The following NLGN1 variants were observed in gnomAD, a reference collection of about 807,000 sequenced individuals.
The protein encoded by NLGN1 is neuroligin 1.
In NLGN1, 12 loss-of-function variants were observed where a neutral mutation model predicts 65.5. That is an observed-to-expected ratio of 0.18 (90% CI 0.12 to 0.30). The LOEUF (loss-of-function observed/expected upper bound fraction) is 0.30, where lower values mean the gene tolerates loss of function less well. Among genes scored for constraint, NLGN1 ranks in the 10% least tolerant of loss-of-function variants. The pLI is 1.00. For synonymous variants in NLGN1, 350 were observed against 359.5 expected, an observed-to-expected ratio of 0.97 and a Z score of 0.30; for missense variants, 750 against 1,007.1, an observed-to-expected ratio of 0.74 and a Z score of 3.46.
intron 3 of NLGN1, among the ~76,000 whole-genome samples, chr3:173,800,567 A>G (rs1715251100): frequency 6.6e-6 from 1 of 151,708 alleles, no homozygotes; most frequent in African/African-American, 2.4e-5. Flanking sequence ...GCCAACCATT[A>G]AAATGTTTTA....
chr3:174,029,341 C>T (rs751592243), intron 4 of NLGN1, among the ~76,000 whole-genome samples: 1 of 152,204 alleles, frequency 6.6e-6, no homozygotes, highest in Non-Finnish European at 1.5e-5. Context: ...CAAAAGAGAT[C>T]ATTTTGGAAC....
chr3:173,683,094 T>G (rs922906953), intron 3 of NLGN1, among the ~76,000 whole-genome samples: 9 of 152,204 alleles, frequency 5.9e-5, no homozygotes, highest in African/African-American at 2.2e-4. Flanking sequence ...AAAAATAAAT[T>G]TAAATATTTC....
At chr3:173,399,287 A>G (rs1181757889) in intron 1 of NLGN1, among the ~76,000 whole-genome samples, 1 of 152,188 alleles carries the variant, frequency 6.6e-6, no homozygotes, top group Non-Finnish European at 1.5e-5. Context: ...TCCTCTTAAC[A>G]TAAGCAGAAA....
chr3:173,485,614 T>C (rs1411213087), intron 2 of NLGN1, among the ~76,000 whole-genome samples: 2 of 152,310 alleles, frequency 1.3e-5, no homozygotes, highest in South Asian at 2.1e-4. Context: ...TTTCATGTCC[T>C]TCAGTCCAGC....
At chr3:173,893,787 T>C (rs1000986038) in intron 4 of NLGN1, among the ~76,000 whole-genome samples, 8 of 152,226 alleles carry the variant, frequency 5.3e-5, no homozygotes, top group African/African-American at 1.9e-4. Context: ...TACAATTTTG[T>C]TTTCCTCTGC....
intron 2 of NLGN1, among the ~76,000 whole-genome samples, chr3:173,486,626 C>T (rs1728216519): frequency 6.6e-6 from 1 of 152,120 alleles, no homozygotes; most frequent in African/African-American, 2.4e-5. Flanking sequence ...AGTCACTGCA[C>T]CTCTTAGGAC....
intron 2 of NLGN1, among the ~76,000 whole-genome samples, chr3:173,534,723 C>T (rs947199025): frequency 1.3e-5 from 2 of 152,098 alleles, no homozygotes; most frequent in African/African-American, 4.8e-5. Flanking sequence ...ACAGTAATTA[C>T]CCAAGGCCAC....
chr3:173,866,669 T>G (rs6445123), intron 4 of NLGN1, among the ~76,000 whole-genome samples: 151,916 of 152,302 alleles, frequency 1, 75,766 homozygotes, highest in Middle Eastern at 1. Context: ...GTTGGTTTTA[T>G]ATAAAAAGAA....
chr3:173,622,665 G>T (rs190231059), intron 3 of NLGN1, among the ~76,000 whole-genome samples: 65 of 152,030 alleles, frequency 4.3e-4, no homozygotes, highest in Non-Finnish European at 7.2e-4. Context: ...TTATGCTGAT[G>T]CCAGGACTGC....
chr3:173,715,315 A>ATG (rs1769666897), intron 3 of NLGN1, among the ~76,000 whole-genome samples: 3 of 152,182 alleles, frequency 2.0e-5, no homozygotes, highest in Non-Finnish European at 2.9e-5. Flanking sequence ...TTCATGTCCA[A>ATG]TTCTACAATT....
At chr3:174,094,990 A>G (rs1192561839) in intron 4 of NLGN1, among the ~76,000 whole-genome samples, 2 of 152,108 alleles carry the variant, frequency 1.3e-5, no homozygotes, top group African/African-American at 2.4e-5. Context: ...AAGAGAATGC[A>G]CTGTATACTG....
At chr3:173,524,169 G>A (rs1272798053) in intron 2 of NLGN1, among the ~76,000 whole-genome samples, 109 of 151,568 alleles carry the variant, frequency 7.2e-4, no homozygotes, top group African/African-American at 2.6e-3. Context: ...CTCGTGATCT[G>A]CCCGCCTCAG....
chr3:173,754,007 C>T (rs1776706572), intron 3 of NLGN1, among the ~76,000 whole-genome samples: 3 of 127,376 alleles, frequency 2.4e-5, no homozygotes, highest in African/African-American at 2.9e-5. Context: ...CTTTTTTTTT[C>T]TTTATTTCTT....
chr3:173,848,909 T>C (rs1578772602), intron 4 of NLGN1, among the ~76,000 whole-genome samples: 1 of 152,154 alleles, frequency 6.6e-6, no homozygotes, highest in South Asian at 2.1e-4. Context: ...GATTTCTTTT[T>C]AAACAAAACT....
chr3:173,980,807 A>G (rs902097654), intron 4 of NLGN1, among the ~76,000 whole-genome samples: 1 of 152,062 alleles, frequency 6.6e-6, no homozygotes, highest in Non-Finnish European at 1.5e-5. Flanking sequence ...CATGTGACTA[A>G]TCCTCCAAAA....
chr3:173,940,722 C>G (rs1408251025), intron 4 of NLGN1, among the ~76,000 whole-genome samples: 1 of 152,120 alleles, frequency 6.6e-6, no homozygotes, highest in African/African-American at 2.4e-5. Flanking sequence ...ATCCTGATTT[C>G]ATAAATTTGC....
chr3:173,985,126 A>G (rs994404565), intron 4 of NLGN1, among the ~76,000 whole-genome samples: 4 of 152,172 alleles, frequency 2.6e-5, no homozygotes, highest in Non-Finnish European at 4.4e-5. Flanking sequence ...TGTAATCCCA[A>G]TGGGGCTGGC....
intron 4 of NLGN1, among the ~76,000 whole-genome samples, chr3:174,174,288 T>C (rs757253367): frequency 6.6e-6 from 1 of 152,054 alleles, no homozygotes; most frequent in Non-Finnish European, 1.5e-5. Flanking sequence ...AAAACATGTG[T>C]GTTCAAGTAT....
chr3:173,577,519 GT>G (rs1677662649), intron 2 of NLGN1, among the ~76,000 whole-genome samples: 1 of 152,164 alleles, frequency 6.6e-6, no homozygotes, highest in African/African-American at 2.4e-5. Context: ...TCCACCATTT[GT>G]TAGCTTGTTT....
Sources: gnomAD v4.1 joint callset for allele counts (sites outside exome capture counted in the v4.1 genomes callset) on GRCh38, gnomAD v4.1.1 for gene constraint, MANE v1.5 for transcripts, NCBI Gene and HGNC (gene_info 2026-07-23, HGNC 2026-07-21) for gene names.